Variants in ATG5 observed in about 807,000 individuals in gnomAD.
ATG5 encodes the protein autophagy related 5, also known as autophagy protein 5.
ATG5 carries 14 observed loss-of-function variants against 36.5 expected under a neutral mutation model. That is an observed-to-expected ratio of 0.38 (90% confidence interval 0.25 to 0.60). The LOEUF is 0.60. Ranked by LOEUF, ATG5 falls within the 20% of genes least tolerant of loss-of-function variation. The probability of loss-of-function intolerance (pLI) is 0.60; values close to 1 mark genes in which losing one functional copy is unlikely to be tolerated. For synonymous variants in ATG5, 95 were observed against 101.5 expected, an observed-to-expected ratio of 0.94 and a Z score of 0.38; for missense variants, 195 against 326.7, an observed-to-expected ratio of 0.60 and a Z score of 3.11.
In ATG5 at chr6:106,305,137, C is replaced by T. The variant is rs565117545; in HGVS notation, c.236+3227G>A. Among the ~76,000 whole-genome samples the T allele has an allele frequency of 4.0e-5, 6 of 151,464 alleles. No homozygotes were observed. The East Asian group carries it at 1.2e-3, about 29-fold the overall frequency. On this transcript the variant is annotated intron_variant, in intron 3 of 7. Transcript: ENST00000369076. Reference sequence around the variant, plus strand: ...AATTTTATTCCACATTAATTATATGCTTGGGATTATTTTTCCCTTCTCACA... The same window carrying T: ...AATTTTATTCCACATTAATTATATGTTTGGGATTATTTTTCCCTTCTCACA...
Position 106,325,699 on chromosome 6 carries a change from T to A in ATG5, c.-232A>T, listed in dbSNP as rs903662625. 1 of 152,608 alleles carries A rather than the reference T, an allele frequency of 6.6e-6. No individual in the cohort carries two copies. Among genetic ancestry groups the A allele is most frequent in the African/African-American group, 2.4e-5 (1 of 41,326 alleles). The allele number at this position is 152,608 out of a possible 1,614,324, so 9.5% of individuals were successfully genotyped here. A position where few individuals can be genotyped will look rare whatever the true frequency, so the allele number is the denominator to read the frequency against. ...GCCGCAAAAAGCACCGGCGCGGAGG[T>A]CGGAGCTGAACCCTGCTGCACTTCC... On this transcript the variant is annotated 5_prime_UTR_variant, in exon 1 of 8. Coordinates refer to ENST00000369076, the MANE Select transcript of ATG5 (RefSeq NM_004849.4).
At chr6:106,196,247 C>CT (rs1270938538) in intron 7 of ATG5, among the ~76,000 whole-genome samples, 11 of 151,958 alleles carry the variant, frequency 7.2e-5, no homozygotes, top group African/African-American at 2.7e-4. Context: ...AAATTGAAGA[C>CT]TAAGATTTGT....
chr6:106,279,658 T>TA lies in ATG5; in HGVS notation c.478+2dup, dbSNP rs1363931587. 1.3e-6 allele frequency: 2 copies of TA among 1,585,358 alleles called. No individual in the cohort carries two copies. The highest frequency in any genetic ancestry group is 1.2e-5 in the South Asian group (1 of 85,656). Reference sequence around the variant, plus strand: ...TTCTAAAATTAAACACTATTATACTTACCATTTTGCAATCCCATCCAGAGT... The same window carrying TA: ...TTCTAAAATTAAACACTATTATACTTAACCATTTTGCAATCCCATCCAGAGT... On this transcript the variant is annotated splice_region_variant and intron_variant, in intron 5 of 7. Coordinates refer to ENST00000369076, the MANE Select transcript of ATG5 (RefSeq NM_004849.4).
chr6:106,207,637 G>A (rs1486279494), intron 6 of ATG5, among the ~76,000 whole-genome samples: 4 of 152,142 alleles, frequency 2.6e-5, no homozygotes, highest in Non-Finnish European at 5.9e-5. Context: ...TAACATTAAC[G>A]TTGATAAAAC....
chr6:106,186,357 G>A lies in ATG5; in HGVS notation c.*183C>T. On this transcript the variant is annotated 3_prime_UTR_variant, in exon 8 of 8. Coordinates refer to ENST00000369076, the MANE Select transcript of ATG5 (RefSeq NM_004849.4). Reference sequence around the variant, plus strand: ...AATGATGGCAGTGGAGGAAAGCAGAGGTGATGCAAAGTAAGACCAGCCCAG... The same window carrying A: ...AATGATGGCAGTGGAGGAAAGCAGAAGTGATGCAAAGTAAGACCAGCCCAG... 1 of 614,670 alleles carries A rather than the reference G, an allele frequency of 1.6e-6. No individual in the cohort carries two copies. The highest frequency in any genetic ancestry group is 2.8e-6 in the Non-Finnish European group (1 of 360,866). 38.1% of individuals were successfully genotyped at this position (614,670 alleles called of 1,614,324 possible).
chr6:106,318,275 G>A (rs964924854), intron 1 of ATG5, among the ~76,000 whole-genome samples: 1 of 152,104 alleles, frequency 6.6e-6, no homozygotes, highest in Non-Finnish European at 1.5e-5. Context: ...AAAACATCAT[G>A]CATGTGAGTG....
intron 3 of ATG5, among the ~76,000 whole-genome samples, chr6:106,299,135 G>T (rs376065896): frequency 6.6e-6 from 1 of 152,190 alleles, no homozygotes; most frequent in Non-Finnish European, 1.5e-5. Flanking sequence ...CCCTTGGTAC[G>T]TGTGGGGATT....
chr6:106,267,572 C>T (rs967495039), intron 5 of ATG5, among the ~76,000 whole-genome samples: 2 of 152,176 alleles, frequency 1.3e-5, no homozygotes, highest in African/African-American at 4.8e-5. Context: ...AGGCATCATG[C>T]TACCTGACTT....
intron 6 of ATG5, among the ~76,000 whole-genome samples, chr6:106,241,243 T>C (rs1192612441): frequency 6.6e-6 from 1 of 152,240 alleles, no homozygotes; most frequent in Non-Finnish European, 1.5e-5. Flanking sequence ...TAGACATTTC[T>C]TCAAGGATGA....
intron 5 of ATG5, among the ~76,000 whole-genome samples, chr6:106,262,550 A>G (rs1304032372): frequency 6.6e-6 from 1 of 152,152 alleles, no homozygotes; most frequent in Non-Finnish European, 1.5e-5. Context: ...AAAGTTTTCC[A>G]TTCTCGAGTT....
chr6:106,231,486 C>T (rs1777688108), intron 6 of ATG5, among the ~76,000 whole-genome samples: 2 of 152,136 alleles, frequency 1.3e-5, no homozygotes, highest in African/African-American at 4.8e-5. Context: ...GAGATTGGTG[C>T]CGCAGACATT....
intron 3 of ATG5, among the ~76,000 whole-genome samples, chr6:106,302,787 A>C (rs1354309470): frequency 6.6e-6 from 1 of 152,098 alleles, no homozygotes; most frequent in Non-Finnish European, 1.5e-5. Flanking sequence ...TTCTAAAAAA[A>C]ACTAAGATTC....
chr6:106,315,825 T>C (rs925852831), intron 2 of ATG5, among the ~76,000 whole-genome samples: 6 of 152,146 alleles, frequency 3.9e-5, no homozygotes, highest in African/African-American at 1.2e-4. Context: ...GAAGGCACCA[T>C]AGCTGATGAT....
At chr6:106,291,825 C>A (rs990192250) in intron 4 of ATG5, among the ~76,000 whole-genome samples, 1 of 152,178 alleles carries the variant, frequency 6.6e-6, no homozygotes, top group African/African-American at 2.4e-5. Flanking sequence ...TCATGCATAC[C>A]AACACTATGT....
chr6:106,253,898 T>C (rs961752770), intron 5 of ATG5, among the ~76,000 whole-genome samples: 2 of 152,142 alleles, frequency 1.3e-5, no homozygotes, highest in Non-Finnish European at 1.5e-5. Context: ...AAACTCTACA[T>C]GCAGGCAACC....
At chr6:106,197,125 A>G (rs965063164) in intron 7 of ATG5, among the ~76,000 whole-genome samples, 2 of 152,210 alleles carry the variant, frequency 1.3e-5, no homozygotes, top group African/African-American at 4.8e-5. Flanking sequence ...GTTTCATTGC[A>G]GTGTTCTCAT....
At chr6:106,260,915 G>C (rs919355566) in intron 5 of ATG5, among the ~76,000 whole-genome samples, 4 of 152,312 alleles carry the variant, frequency 2.6e-5, no homozygotes, top group Admixed American at 2.6e-4. Context: ...GGGGTCAGGT[G>C]TGGGGGCTTG....
intron 7 of ATG5, among the ~76,000 whole-genome samples, chr6:106,194,643 TTC>T (rs1190770955): frequency 1.3e-5 from 2 of 152,072 alleles, no homozygotes; most frequent in Non-Finnish European, 2.9e-5. Context: ...GTTCAACCAA[TTC>T]TCCTGCCTCA....
At chr6:106,290,512 G>T (rs944973546) in intron 4 of ATG5, among the ~76,000 whole-genome samples, 1 of 151,450 alleles carries the variant, frequency 6.6e-6, no homozygotes, top group African/African-American at 2.4e-5. Flanking sequence ...GTAGAGATGG[G>T]GTCTACGTTG....
Sources: allele counts gnomAD v4.1 joint callset (sites outside exome capture counted in the v4.1 genomes callset), GRCh38; gene constraint gnomAD v4.1.1; transcripts MANE v1.5; gene names NCBI Gene and HGNC (gene_info 2026-07-23, HGNC 2026-07-21).